The following PDGFC variants were observed in gnomAD, a reference collection of about 807,000 sequenced individuals.
PDGFC encodes the protein platelet-derived growth factor C.
PDGFC carries 12 observed loss-of-function variants against 35.5 expected under a neutral mutation model. That is an observed-to-expected ratio of 0.34 (90% CI 0.22 to 0.55). The LOEUF is 0.55. Ranked by LOEUF, PDGFC falls within the 20% of genes least tolerant of loss-of-function variation. The pLI is 0.91. For synonymous variants in PDGFC, 159 were observed against 148.8 expected (o/e 1.07, Z -0.50); for missense variants, 322 against 412.4 (o/e 0.78, Z 1.90).
Position 156,948,438 on chromosome 4 carries a change from T to C in PDGFC, c.118+22348A>G, listed in dbSNP as rs139961085. 5.0e-3 allele frequency among the ~76,000 whole-genome samples: 759 copies of C among 151,982 alleles called. 4 individuals are homozygous for C. Among genetic ancestry groups the C allele is most frequent in the African/African-American group, 0.017 (708 of 41,524 alleles). ...GCTCTGGGATAAAATTAAGAGCCAA[T>C]TTTAAATCTTAAGCCTGAAGGGCCA... is the stretch of plus-strand genomic sequence containing the variant. On this transcript the variant is annotated intron_variant, in intron 1 of 5. Transcript: ENST00000502773.
At chr4:156,801,291 C>A (rs946168725) in intron 3 of PDGFC, among the ~76,000 whole-genome samples, 10 of 152,100 alleles carry the variant, frequency 6.6e-5, no homozygotes, top group African/African-American at 2.2e-4. Flanking sequence ...ACCCTAGCCT[C>A]TGAATTTTGG....
At chr4:156,922,676 AG>A (rs1287060553) in intron 1 of PDGFC, among the ~76,000 whole-genome samples, 1 of 152,180 alleles carries the variant, frequency 6.6e-6, no homozygotes, top group Non-Finnish European at 1.5e-5. Flanking sequence ...AAGAAGGTAG[AG>A]GCAATATTTA....
At chr4:156,796,218 T>C (rs906451880) in intron 3 of PDGFC, among the ~76,000 whole-genome samples, 4 of 152,162 alleles carry the variant, frequency 2.6e-5, no homozygotes, top group African/African-American at 9.6e-5. Flanking sequence ...TACAAAATTA[T>C]ACCCTCCTTC....
chr4:156,778,062 C>T (rs1730873293), intron 3 of PDGFC: 1 of 179,516 alleles, frequency 5.6e-6, no homozygotes, highest in African/African-American at 2.4e-5. Context: ...CAAGACTGGG[C>T]CATGGCACTC....
chr4:156,920,229 C>G (rs576023260), intron 1 of PDGFC, among the ~76,000 whole-genome samples: 2 of 152,214 alleles, frequency 1.3e-5, no homozygotes, highest in Non-Finnish European at 2.9e-5. Flanking sequence ...TTTATAGCAA[C>G]ACAAAACATA....
chr4:156,843,072 T>C (rs1030149125), intron 2 of PDGFC, among the ~76,000 whole-genome samples: 1 of 152,176 alleles, frequency 6.6e-6, no homozygotes, highest in Non-Finnish European at 1.5e-5. Flanking sequence ...TTCGAATGTT[T>C]GTGTCCTTGC....
intron 2 of PDGFC, among the ~76,000 whole-genome samples, chr4:156,845,483 C>A (rs556093586): frequency 6.6e-6 from 1 of 151,882 alleles, no homozygotes; most frequent in African/African-American, 2.4e-5. Context: ...TCCCTCCTGG[C>A]TATCTAATTC....
At chr4:156,916,905 C>G (rs140915572) in intron 1 of PDGFC, among the ~76,000 whole-genome samples, 1 of 152,114 alleles carries the variant, frequency 6.6e-6, no homozygotes, top group Non-Finnish European at 1.5e-5. Context: ...ATGAAAATCC[C>G]AGGACACTCA....
At chr4:156,793,119 T>C (rs993086454) in intron 3 of PDGFC, among the ~76,000 whole-genome samples, 8 of 152,118 alleles carry the variant, frequency 5.3e-5, no homozygotes, top group Non-Finnish European at 1.2e-4. Context: ...GTTCCTATCT[T>C]CATTAAACAG....
intron 1 of PDGFC, chr4:156,887,003 G>T (rs1251604927): frequency 2.0e-5 from 3 of 151,986 alleles, no homozygotes; most frequent in Non-Finnish European, 2.9e-5. Flanking sequence ...ACTGATGTTA[G>T]GATATTTTAT....
intron 1 of PDGFC, among the ~76,000 whole-genome samples, chr4:156,900,905 AAGGG>A (rs924020645): frequency 7.7e-6 from 1 of 129,532 alleles, no homozygotes; most frequent in Non-Finnish European, 1.6e-5. Flanking sequence ...AGGAGGGAGG[AAGGG>A]AGGGAGGGAG....
At chr4:156,886,842 T>TA (rs1730388315) in intron 1 of PDGFC, 1 of 152,110 alleles carries the variant, frequency 6.6e-6, no homozygotes, top group East Asian at 1.9e-4. Context: ...CAGGAAAAAA[T>TA]AAAAGATTTA....
At chr4:156,824,002 C>T (rs368814067) in intron 2 of PDGFC, among the ~76,000 whole-genome samples, 13 of 151,982 alleles carry the variant, frequency 8.6e-5, no homozygotes, top group African/African-American at 2.7e-4. Flanking sequence ...TAAATGATCT[C>T]ATTTATATGT....
At chr4:156,962,730 G>A (rs1265927681) in intron 1 of PDGFC, among the ~76,000 whole-genome samples, 1 of 152,116 alleles carries the variant, frequency 6.6e-6, no homozygotes, top group Non-Finnish European at 1.5e-5. Flanking sequence ...CCAGCTGTGG[G>A]ACCTTAGCTA....
chr4:156,892,293 A>G (rs956442122), intron 1 of PDGFC, among the ~76,000 whole-genome samples: 4 of 152,230 alleles, frequency 2.6e-5, no homozygotes, highest in African/African-American at 9.6e-5. Flanking sequence ...TAATTAAAGC[A>G]TAATTAACAA....
intron 1 of PDGFC, among the ~76,000 whole-genome samples, chr4:156,874,883 AT>A: frequency 6.6e-6 from 1 of 151,836 alleles, no homozygotes; most frequent in Admixed American, 6.6e-5. Context: ...TGCCCAGCTA[AT>A]TTTTGTATTT....
At chr4:156,918,938 T>C (rs918676197) in intron 1 of PDGFC, among the ~76,000 whole-genome samples, 5 of 152,246 alleles carry the variant, frequency 3.3e-5, no homozygotes, top group African/African-American at 9.6e-5. Context: ...TATTTAATTA[T>C]ATTGTACTAT....
intron 1 of PDGFC, among the ~76,000 whole-genome samples, chr4:156,901,510 T>G (rs1167069251): frequency 6.6e-6 from 1 of 151,978 alleles, no homozygotes; most frequent in Non-Finnish European, 1.5e-5. Context: ...GGAAATGAAA[T>G]AAGAAGTTGG....
At chr4:156,930,065 A>G (rs1731515975) in intron 1 of PDGFC, among the ~76,000 whole-genome samples, 1 of 152,222 alleles carries the variant, frequency 6.6e-6, no homozygotes. Flanking sequence ...TTAGACTTAC[A>G]TGTTTCTAAC....
Sources: allele counts gnomAD v4.1 joint callset (sites outside exome capture counted in the v4.1 genomes callset), GRCh38; gene constraint gnomAD v4.1.1; transcripts MANE v1.5; gene names NCBI Gene and HGNC (gene_info 2026-07-23, HGNC 2026-07-21).